The following RBM27 variants were observed in gnomAD, a reference collection of about 807,000 sequenced individuals.
RBM27 encodes RNA-binding protein 27.
Under a neutral mutation model 135.3 loss-of-function variants are expected in RBM27, and 22 were observed. The ratio of observed to expected loss-of-function variants is 0.16; its 90% CI spans 0.12 to 0.23. RBM27 has a LOEUF of 0.23. RBM27 is among the 10% of genes least tolerant of loss of function. RBM27 has a pLI of 1.00. For synonymous variants in RBM27, 481 were observed against 442.4 expected (o/e 1.09, Z -1.10); for missense variants, 1,009 against 1,281.0 (o/e 0.79, Z 3.24).
At chr5:146,260,337 T>C (rs1034645937) in intron 11 of RBM27, among the ~76,000 whole-genome samples, 1 of 151,878 alleles carries the variant, frequency 6.6e-6, no homozygotes, top group Non-Finnish European at 1.5e-5. Flanking sequence ...TGCTTAGTAA[T>C]TTCCGAAGAA....
chr5:146,218,397 TTTTC>T (rs889095878), intron 1 of RBM27, among the ~76,000 whole-genome samples: 1 of 152,220 alleles, frequency 6.6e-6, no homozygotes, highest in Admixed American at 6.5e-5. Context: ...CTCCTAGATC[TTTTC>T]TTTCTTTCTT....
At position 146,204,465 on chromosome 5, in the gene RBM27, A is replaced by T. The variant is rs138989225; in HGVS notation, c.59+641A>T. On this transcript the variant is annotated intron_variant, in intron 1 of 20. Coordinates refer to ENST00000265271, the MANE Select transcript of RBM27 (RefSeq NM_018989.2). ...GGAGGTGATAAGTGTGATAGCAAGG[A>T]TATTAAGGGATTTTAAAGTATTATT... Among the ~76,000 whole-genome samples the T allele has an allele frequency of 5.3e-3, 802 of 152,304 alleles. 9 individuals are homozygous for T. The highest frequency in any genetic ancestry group is 0.018 in the African/African-American group (761 of 41,544).
intron 8 of RBM27, among the ~76,000 whole-genome samples, chr5:146,250,241 C>A (rs1757823451): frequency 1.3e-5 from 2 of 151,952 alleles, no homozygotes; most frequent in African/African-American, 4.8e-5. Flanking sequence ...GGGATTGAGA[C>A]CATCCTGGCT....
At chr5:146,213,316 G>A (rs1756049843) in intron 1 of RBM27, among the ~76,000 whole-genome samples, 1 of 152,106 alleles carries the variant, frequency 6.6e-6, no homozygotes, top group South Asian at 2.1e-4. Context: ...TGGTCAGGCT[G>A]GTCTCAAACT....
In RBM27 at chr5:146,260,865, C is replaced by T. The variant is rs768013229; in HGVS notation, c.1860C>T (p.His620=). ...ACAACATTACCAAGCTCAATGAACA[C>T]TTCAGCAAATTTGGAACTATTGTTA... ...ELNNITKLNE[H]FSKFGTIVNI... Residue 620 remains histidine, a synonymous_variant, in exon 12 of 21, where the codon CAC becomes CAT. Coordinates refer to ENST00000265271, the MANE Select transcript of RBM27 (RefSeq NM_018989.2). 1.2e-6 allele frequency: 2 copies of T among 1,610,434 alleles called. No homozygotes were observed. Among genetic ancestry groups the T allele is most frequent in the South Asian group, 1.1e-5 (1 of 89,742 alleles).
rs78436683 is a variant in RBM27 at position 146,264,883 on chromosome 5, A to T, written c.2331+1252A>T. 5.9e-3 allele frequency among the ~76,000 whole-genome samples: 904 copies of T among 152,276 alleles called. 8 individuals carry two copies. The highest frequency in any genetic ancestry group is 0.02 in the African/African-American group (851 of 41,564). On this transcript the variant is annotated intron_variant, in intron 14 of 20. Coordinates refer to ENST00000265271, the MANE Select transcript of RBM27 (RefSeq NM_018989.2). ...AGACATGTTGATAAATAGTATTGGG[A>T]TGACTGGATAGCCAGTAGGGAAAAG... is the stretch of plus-strand genomic sequence containing the variant.
intron 13 of RBM27, among the ~76,000 whole-genome samples, chr5:146,263,282 A>G (rs1758472688): frequency 1.3e-5 from 2 of 152,162 alleles, no homozygotes; most frequent in Admixed American, 1.3e-4. Context: ...TTTTGTTGTG[A>G]TATGTTTTAG....
rs1758044895 is a variant in RBM27, at chr5:146,254,921, T to C, written c.1445-22T>C. The C allele has an allele frequency of 5.2e-6, 8 of 1,525,788 alleles. No individual in the cohort carries two copies. In the East Asian group the frequency reaches 1.8e-4, roughly 35 times the overall value. 94.5% of individuals were successfully genotyped at this position (1,525,788 alleles called of 1,614,324 possible). ...ACCTCTCTCTGATTTGTTGTGTGTTTTGTTGCTTTGTTTTCCCTCAGATAC... is the reference window on the plus strand; with the variant it reads ...ACCTCTCTCTGATTTGTTGTGTGTTCTGTTGCTTTGTTTTCCCTCAGATAC... On this transcript the variant is annotated intron_variant, in intron 9 of 20. Coordinates refer to ENST00000265271, the MANE Select transcript of RBM27 (RefSeq NM_018989.2).
intron 20 of RBM27, among the ~76,000 whole-genome samples, chr5:146,285,468 A>G (rs17502233): frequency 0.21 from 31,848 of 152,060 alleles, 4,245 homozygotes; most frequent in Admixed American, 0.33. Context: ...GTTTGCAGAT[A>G]CATCTACTTT....
Position 146,261,702 on chromosome 5 carries a change from A to C in RBM27, c.2086A>C (p.Ser696Arg). 1 of 1,614,210 alleles carries C rather than the reference A, an allele frequency of 6.2e-7. No homozygotes were observed. Among genetic ancestry groups the C allele is most frequent in the Non-Finnish European group, 8.5e-7 (1 of 1,180,040 alleles). The change falls in exon 13 of 21, where the codon AGT becomes CGT. Residue 696 changes from serine (S) to arginine (R), a missense_variant. By Grantham distance (110) the Ser-to-Arg change is moderately radical. Coordinates refer to ENST00000265271, the MANE Select transcript of RBM27 (RefSeq NM_018989.2). The part of the protein sequence containing the change: ...QLLLQQQQTL[S>R]HLSQQHHHLP... ...GCTCCTGCAACAACAGCAAACACTT[A>C]GTCACCTCTCACAGCAGCACCATCA...
intron 7 of RBM27, among the ~76,000 whole-genome samples, chr5:146,235,979 C>T (rs534197172): frequency 5.2e-4 from 79 of 152,218 alleles, no homozygotes; most frequent in Admixed American, 9.2e-4. Flanking sequence ...CGTGAGCCAC[C>T]GTGCCCAGCC....
At chr5:146,263,967 C>T (rs1412675272) in intron 14 of RBM27, among the ~76,000 whole-genome samples, 3 of 151,520 alleles carry the variant, frequency 2.0e-5, no homozygotes, top group Admixed American at 1.3e-4. Context: ...ATTAGCTGGG[C>T]GTGGTGGCAG....
At chr5:146,257,893 C>A (rs1325106028) in intron 10 of RBM27, among the ~76,000 whole-genome samples, 1 of 151,938 alleles carries the variant, frequency 6.6e-6, no homozygotes, top group Non-Finnish European at 1.5e-5. Flanking sequence ...CTCGGCTCAC[C>A]ACAACCTCCG....
At chr5:146,264,378 T>A (rs2126863471) in intron 14 of RBM27, among the ~76,000 whole-genome samples, 1 of 152,068 alleles carries the variant, frequency 6.6e-6, no homozygotes, top group East Asian at 2.0e-4. Flanking sequence ...AGATGGGGTT[T>A]CTCCATGTTG....
In RBM27 at chr5:146,243,139, G is replaced by A. The variant is rs558344668; in HGVS notation, c.1279+5707G>A. Among the ~76,000 whole-genome samples, 273 of 151,930 alleles carry A rather than the reference G, an allele frequency of 1.8e-3. 2 individuals are homozygous for A. The highest frequency in any genetic ancestry group is 3.0e-3 in the Non-Finnish European group (204 of 67,966). ...AAATTAGCTGGGTGTGGTGGTGGGC[G>A]CCTGTAATCCCAGCTACTCAGGAGG... On this transcript the variant is annotated intron_variant, in intron 8 of 20. Transcript: ENST00000265271.
chr5:146,211,036 G>C (rs1030825578), intron 1 of RBM27, among the ~76,000 whole-genome samples: 1 of 152,170 alleles, frequency 6.6e-6, no homozygotes, highest in African/African-American at 2.4e-5. Context: ...ACTTTAGGAG[G>C]CTGAGGTGGG....
intron 10 of RBM27, among the ~76,000 whole-genome samples, chr5:146,257,155 C>T (rs1430021578): frequency 6.6e-6 from 1 of 152,190 alleles, no homozygotes; most frequent in Non-Finnish European, 1.5e-5. Context: ...ATCATAATTT[C>T]CCTGACAAAG....
At chr5:146,273,777 T>C (rs1205470397) in intron 19 of RBM27, among the ~76,000 whole-genome samples, 2 of 152,236 alleles carry the variant, frequency 1.3e-5, no homozygotes, top group Non-Finnish European at 2.9e-5. Flanking sequence ...GAGCCATATC[T>C]ATATGAGAAA....
chr5:146,277,176 A>G (rs1339303411), intron 19 of RBM27, among the ~76,000 whole-genome samples: 1 of 152,222 alleles, frequency 6.6e-6, no homozygotes, highest in Non-Finnish European at 1.5e-5. Flanking sequence ...CTTTTAGAAC[A>G]TTCAAACAAT....
Sources: gnomAD v4.1 joint callset for allele counts (sites outside exome capture counted in the v4.1 genomes callset) on GRCh38, gnomAD v4.1.1 for gene constraint, MANE v1.5 for transcripts, NCBI Gene and HGNC (gene_info 2026-07-23, HGNC 2026-07-21) for gene names.